PNLIP: variants seen among roughly 807,000 people sequenced by gnomAD.
PNLIP encodes the protein pancreatic lipase.
A neutral mutation model predicts 57.1 loss-of-function variants in PNLIP; 49 were observed. That is an observed-to-expected ratio of 0.86 (90% CI 0.68 to 1.09). The LOEUF (loss-of-function observed/expected upper bound fraction) is 1.09, where lower values mean the gene tolerates loss of function less well. PNLIP is among the 50% of genes least tolerant of loss of function. The pLI, the probability that PNLIP is intolerant of heterozygous loss-of-function variation, is 0.00. For synonymous variants in PNLIP, 209 were observed against 200.4 expected (o/e 1.04, Z -0.36); for missense variants, 503 against 570.2 (o/e 0.88, Z 1.20).
At chr10:116,561,776 G>A (rs1197871076) in intron 12 of PNLIP, 140 bp downstream of exon 12, 1 of 639,798 alleles carries the variant, frequency 1.6e-6, no homozygotes, top group Admixed American at 2.9e-5. Flanking sequence ...AATGCCTTCT[G>A]TTTCTTTAGG....
At chr10:116,567,282 G>T (rs1847379823) in intron 12 of PNLIP, among the ~76,000 whole-genome samples, 1 of 149,774 alleles carries the variant, frequency 6.7e-6, no homozygotes, top group African/African-American at 2.5e-5. Context: ...ATCCACACAG[G>T]GAAAGAAGGC....
At chr10:116,552,331 A>T (rs1265790887) in intron 5 of PNLIP, among the ~76,000 whole-genome samples, 1 of 152,208 alleles carries the variant, frequency 6.6e-6, no homozygotes, top group Non-Finnish European at 1.5e-5. Flanking sequence ...TGACAGCTTC[A>T]TGCATGTTAT....
intron 12 of PNLIP, among the ~76,000 whole-genome samples, chr10:116,563,186 C>T (rs1287645107): frequency 6.6e-6 from 1 of 152,102 alleles, no homozygotes; most frequent in African/African-American, 2.4e-5. Flanking sequence ...AAGTGTTTCT[C>T]ATCCAAAATG....
chr10:116,567,778 C>T lies in PNLIP; in HGVS notation c.1378C>T (p.Leu460Phe). The T allele has an allele frequency of 6.2e-7, 1 of 1,613,662 alleles. No homozygotes were observed. The highest frequency in any genetic ancestry group is 8.5e-7 in the Non-Finnish European group (1 of 1,179,550). The stretch of plus-strand genomic sequence containing the variant: ...AGAAACCGTCAGGGAGGAAGTTCTG[C>T]TCACCCTCACACCGTGTTAGGAGAC... ...SPETVREEVL[L>F]TLTPC Residue 460 changes from leucine (L) to phenylalanine (F), a missense_variant, in exon 13 of 13, where the codon CTC becomes TTC. Physicochemically the swap from Leu to Phe is conservative, Grantham distance 22. Coordinates refer to ENST00000369221, the MANE Select transcript of PNLIP (RefSeq NM_000936.4).
chr10:116,567,769 G>C lies in PNLIP; in HGVS notation c.1369G>C (p.Glu457Gln), dbSNP rs1250314817. The change falls in exon 13 of 13, where the codon GAA (glutamate) becomes CAA (glutamine). Residue 457 changes from glutamate (E) to glutamine (Q), a missense_variant. Physicochemically the swap from Glu to Gln is conservative, Grantham distance 29. Transcript: ENST00000369221. ...NFCSPETVRE[E>Q]VLLTLTPC ...CTGTAGTCCAGAAACCGTCAGGGAG[G>C]AAGTTCTGCTCACCCTCACACCGTG... 3.7e-6 allele frequency: 6 copies of C among 1,613,902 alleles called. No homozygotes were observed. The highest frequency in any genetic ancestry group is 2.2e-5 in the East Asian group (1 of 44,896).
At chr10:116,559,046 C>A in intron 9 of PNLIP, 108 bp from the exon 10 acceptor site, 1 of 1,345,578 alleles carries the variant, frequency 7.4e-7, no homozygotes, top group Non-Finnish European at 1.0e-6. Context: ...CATTTATCAT[C>A]AGAACAGAAC....
intron 9 of PNLIP, among the ~76,000 whole-genome samples, chr10:116,557,886 G>A (rs979603001): frequency 2.0e-5 from 3 of 151,884 alleles, no homozygotes; most frequent in Admixed American, 6.6e-5. Context: ...GGCTAGCTGG[G>A]GCATTTTCTC....
intron 1 of PNLIP, 23 bp from the exon 2 acceptor site, chr10:116,546,070 A>G (rs1201348925): frequency 5.6e-6 from 9 of 1,611,850 alleles, no homozygotes; most frequent in Non-Finnish European, 5.9e-6. Flanking sequence ...GCCAGACTCA[A>G]TCATGTTTTT....
chr10:116,558,495 A>G (rs1847279935), intron 9 of PNLIP, among the ~76,000 whole-genome samples: 2 of 151,650 alleles, frequency 1.3e-5, no homozygotes, highest in African/African-American at 4.8e-5. Context: ...TGCACAGCCA[A>G]CTTATGCAAT....
At chr10:116,547,086 T>C (rs1033602485) in intron 2 of PNLIP, among the ~76,000 whole-genome samples, 3 of 152,076 alleles carry the variant, frequency 2.0e-5, no homozygotes, top group Admixed American at 1.3e-4. Context: ...AAGTGATCCA[T>C]GTGGTAGAAT....
At chr10:116,565,609 A>G (rs1419221485) in intron 12 of PNLIP, among the ~76,000 whole-genome samples, 1 of 151,280 alleles carries the variant, frequency 6.6e-6, no homozygotes, top group Non-Finnish European at 1.5e-5. Context: ...TACAGGCAGC[A>G]GCACCACTCC....
At chr10:116,551,931 T>A (rs1378267453) in intron 5 of PNLIP, among the ~76,000 whole-genome samples, 1 of 152,228 alleles carries the variant, frequency 6.6e-6, no homozygotes, top group Non-Finnish European at 1.5e-5. Context: ...AATACAGTCA[T>A]GCACCACACA....
chr10:116,552,586 T>A (rs959102938), intron 5 of PNLIP, among the ~76,000 whole-genome samples: 3 of 151,940 alleles, frequency 2.0e-5, no homozygotes, highest in African/African-American at 4.8e-5. Flanking sequence ...GTTAAAAGTT[T>A]AAAAAAAATA....
intron 12 of PNLIP, among the ~76,000 whole-genome samples, chr10:116,564,182 A>G (rs1346757763): frequency 6.6e-6 from 1 of 152,178 alleles, no homozygotes; most frequent in African/African-American, 2.4e-5. Context: ...AAAAACCTAG[A>G]TTTTACCACT....
chr10:116,558,439 CA>C (rs1176190048), intron 9 of PNLIP, among the ~76,000 whole-genome samples: 2 of 151,826 alleles, frequency 1.3e-5, no homozygotes, highest in Non-Finnish European at 1.5e-5. Flanking sequence ...CGTGATCCTC[CA>C]GCCTTGGCCT....
chr10:116,561,633 A>C lies in PNLIP; in HGVS notation c.1331A>C (p.Lys444Thr), dbSNP rs999805866. ...SKIIVETNVG[K>T]QFNFCSPETV... ...ATTATAGTGGAGACAAATGTTGGAA[A>C]ACAGTAAGTAATGAAAATCCCAGGA... Residue 444 changes from lysine (K) to threonine (T), a missense_variant, in exon 12 of 13, where the codon AAA becomes ACA. Coordinates refer to ENST00000369221, the MANE Select transcript of PNLIP (RefSeq NM_000936.4). The C allele has an allele frequency of 6.2e-7, 1 of 1,607,496 alleles. No individual in the cohort carries two copies. The highest frequency in any genetic ancestry group is 8.5e-7 in the Non-Finnish European group (1 of 1,176,000).
chr10:116,559,363 C>G, intron 10 of PNLIP, 80 bp downstream of exon 10: 2 of 1,091,766 alleles, frequency 1.8e-6, no homozygotes, highest in Non-Finnish European at 2.7e-6. Context: ...TGCATACTTG[C>G]TTTTCTATAC....
intron 12 of PNLIP, among the ~76,000 whole-genome samples, chr10:116,566,622 G>A (rs1847370118): frequency 6.6e-6 from 1 of 152,108 alleles, no homozygotes; most frequent in Non-Finnish European, 1.5e-5. Context: ...GAGGTAGATG[G>A]TTTTATTATC....
At chr10:116,554,262 A>C (rs1376820642) in intron 6 of PNLIP, among the ~76,000 whole-genome samples, 1 of 152,260 alleles carries the variant, frequency 6.6e-6, no homozygotes, top group Non-Finnish European at 1.5e-5. Context: ...AAGTTTCATG[A>C]ATAGAATAAA....
Sources: allele counts gnomAD v4.1 joint callset (sites outside exome capture counted in the v4.1 genomes callset), GRCh38; gene constraint gnomAD v4.1.1; transcripts MANE v1.5; gene names NCBI Gene and HGNC (gene_info 2026-07-23, HGNC 2026-07-21).